The following CDCA7L variants were observed in gnomAD, a reference collection of about 807,000 sequenced individuals.
CDCA7L encodes cell division cycle associated 7 like.
Under a neutral mutation model 57.4 loss-of-function variants are expected in CDCA7L, and 44 were observed. The ratio of observed to expected loss-of-function variants is 0.77; its 90% CI spans 0.60 to 0.98. The LOEUF (loss-of-function observed/expected upper bound fraction) is 0.98, where lower values mean the gene tolerates loss of function less well. Ranked by LOEUF, CDCA7L falls within the 50% of genes least tolerant of loss-of-function variation. CDCA7L has a pLI of 0.00. For missense variants in CDCA7L, 644 were observed against 580.6 expected, an observed-to-expected ratio of 1.11 and a Z score of -1.12; for synonymous variants, 236 against 202.8, an observed-to-expected ratio of 1.16 and a Z score of -1.39.
Position 21,904,345 on chromosome 7 carries a change from A to G in CDCA7L, c.1048-86T>C, listed in dbSNP as rs554437345. 15 of 1,262,844 alleles carry G rather than the reference A, an allele frequency of 1.2e-5. No homozygotes were observed. The South Asian group carries it at 2.1e-4, about 18-fold the overall frequency. 78.2% of individuals were successfully genotyped at this position (1,262,844 alleles called of 1,614,324 possible). On this transcript the variant is annotated intron_variant, in intron 7 of 9. Coordinates refer to ENST00000406877, the MANE Select transcript of CDCA7L (RefSeq NM_018719.5). ...GATGCCACCATGTGCATTTCCAAGT[A>G]TATGAAGAAATACCCCCGTCTCCTC...
rs372144107 is a variant in CDCA7L, at chr7:21,937,663, A to C, written c.24+8118T>G. ...TTAAAAAAGAAAAAAAAAAAAAAGA[A>C]CAGTGTTAGAGGACTCACATTTCCT... On this transcript the variant is annotated intron_variant, in intron 1 of 9. Coordinates refer to ENST00000406877, the MANE Select transcript of CDCA7L (RefSeq NM_018719.5). Among the ~76,000 whole-genome samples the C allele has an allele frequency of 7.2e-5, 11 of 152,136 alleles. No homozygotes were observed. The East Asian group carries it at 9.7e-4, about 13-fold the overall frequency.
At chr7:21,918,747 CT>C (rs1562628623) in intron 1 of CDCA7L, among the ~76,000 whole-genome samples, 2 of 152,182 alleles carry the variant, frequency 1.3e-5, no homozygotes, top group Admixed American at 6.5e-5. Flanking sequence ...CACATAAGGT[CT>C]GGCTGTCTCT....
At position 21,905,573 on chromosome 7, in the gene CDCA7L, T is replaced by A. The variant is rs1785112982; in HGVS notation, c.980A>T (p.Asp327Val). The A allele has an allele frequency of 6.2e-7, 1 of 1,614,042 alleles. No individual in the cohort carries two copies. The highest frequency in any genetic ancestry group is 8.5e-7 in the Non-Finnish European group (1 of 1,179,948). ...ATTTTCTAAGTCCTCTTCGGTGATATCCTCCACTGGCCGAAAAGAAGATAT... is the reference window on the plus strand; with the variant it reads ...ATTTTCTAAGTCCTCTTCGGTGATAACCTCCACTGGCCGAAAAGAAGATAT... ...HRISSFRPVE[D>V]ITEEDLENVA... The change falls in exon 7 of 10, where the codon GAT becomes GTT. Residue 327 changes from aspartate (D) to valine (V), a missense_variant. Coordinates refer to ENST00000406877, the MANE Select transcript of CDCA7L (RefSeq NM_018719.5).
chr7:21,916,685 T>C, intron 2 of CDCA7L, 69 bp downstream of exon 2: 1 of 1,450,654 alleles, frequency 6.9e-7, no homozygotes, highest in Admixed American at 1.8e-5. Context: ...CATGTTCAAA[T>C]AAAAGAACAT....
chr7:21,906,679 G>A (rs377564041), intron 4 of CDCA7L, 40 bp from the exon 5 acceptor site: 4 of 1,602,808 alleles, frequency 2.5e-6, no homozygotes, highest in Non-Finnish European at 3.4e-6. Context: ...ACAAAAATAG[G>A]GCTCCAGGTT....
At chr7:21,915,585 G>T (rs1407740465) in intron 2 of CDCA7L, among the ~76,000 whole-genome samples, 1 of 150,006 alleles carries the variant, frequency 6.7e-6, no homozygotes, top group African/African-American at 2.5e-5. Context: ...ATCACCTGAG[G>T]TCGGGAGTTT....
At chr7:21,906,232 C>G (rs536974510) in intron 6 of CDCA7L, 57 bp downstream of exon 6, 5 of 1,518,398 alleles carry the variant, frequency 3.3e-6, no homozygotes, top group Admixed American at 3.8e-5. Context: ...CGTGCGTTCA[C>G]GTTTGGAGGG....
intron 1 of CDCA7L, among the ~76,000 whole-genome samples, chr7:21,936,693 G>A (rs1328665942): frequency 7.3e-5 from 11 of 151,492 alleles, no homozygotes; most frequent in Admixed American, 2.0e-4. Flanking sequence ...CGAAAAACCC[G>A]CAACTAACAA....
At chr7:21,912,279 G>C (rs1314501807) in intron 2 of CDCA7L, among the ~76,000 whole-genome samples, 3 of 152,126 alleles carry the variant, frequency 2.0e-5, no homozygotes, top group Admixed American at 6.5e-5. Context: ...GGGTGACAGA[G>C]TGAGACCCTC....
chr7:21,907,160 T>C (rs899846679), intron 4 of CDCA7L, among the ~76,000 whole-genome samples: 109 of 152,338 alleles, frequency 7.2e-4, no homozygotes, highest in African/African-American at 2.6e-3. Flanking sequence ...ATAATAGGCA[T>C]TAATATGCCA....
chr7:21,905,459 C>T (rs750361377), intron 7 of CDCA7L, 47 bp downstream of exon 7: 1 of 1,592,782 alleles, frequency 6.3e-7, no homozygotes, highest in East Asian at 2.2e-5. Context: ...ATTTCAATAC[C>T]AATGCCTTCG....
intron 1 of CDCA7L, among the ~76,000 whole-genome samples, chr7:21,927,835 AC>A (rs1162939901): frequency 6.6e-6 from 1 of 152,190 alleles, no homozygotes; most frequent in Admixed American, 6.5e-5. Flanking sequence ...TACAGATAAA[AC>A]CCCCATCTCC....
intron 1 of CDCA7L, among the ~76,000 whole-genome samples, chr7:21,939,212 A>G (rs1261131033): frequency 6.6e-6 from 1 of 152,156 alleles, no homozygotes; most frequent in Non-Finnish European, 1.5e-5. Context: ...TCATAGGGGT[A>G]ATTGTTTAGT....
Position 21,903,119 on chromosome 7 carries a change from CAG to C in CDCA7L, c.1198-7_1198-6del, listed in dbSNP as rs762183818. The C allele has an allele frequency of 5.0e-6, 8 of 1,612,618 alleles. No individual in the cohort carries two copies. The highest frequency in any genetic ancestry group is 2.7e-5 in the African/African-American group (2 of 75,000). On this transcript the variant is annotated splice_polypyrimidine_tract_variant and splice_region_variant and intron_variant, in intron 8 of 9. Transcript: ENST00000406877. ...ACAGGGGGGACACACCCAATCCTAA[CAG>C]AGAGATGACAGCAGACACTTCGCTC...
Position 21,945,888 on chromosome 7 carries a change from C to T in CDCA7L, c.-84G>A. 1.4e-6 allele frequency: 2 copies of T among 1,457,062 alleles called. No individual in the cohort carries two copies. Among genetic ancestry groups the T allele is most frequent in the Non-Finnish European group, 9.2e-7 (1 of 1,086,286 alleles). The allele number at this position is 1,457,062 out of a possible 1,614,324, so 90.3% of individuals were successfully genotyped here. ...CACGGCCCGGCGCACCAAGAACGCC[C>T]CGCGCCCGAGCAGCTAGCGCGCTCC... On this transcript the variant is annotated 5_prime_UTR_variant, in exon 1 of 10. Transcript: ENST00000406877.
rs185359069 is a variant in CDCA7L, at chr7:21,909,467, G to A, written c.304-960C>T. Among the ~76,000 whole-genome samples, 202 of 152,094 alleles carry A rather than the reference G, an allele frequency of 1.3e-3. 2 individuals carry two copies. Among genetic ancestry groups the A allele is most frequent in the African/African-American group, 4.6e-3 (189 of 41,488 alleles). On this transcript the variant is annotated intron_variant, in intron 3 of 9. Transcript: ENST00000406877. ...AGTTCAGGGACTCTGCTTCCTCCCC[G>A]GTGACGACCATCAACCCCAAACTCT... is the stretch of plus-strand genomic sequence containing the variant.
Position 21,911,731 on chromosome 7 carries a change from T to C in CDCA7L, c.189A>G (p.Lys63=), listed in dbSNP as rs1234726878. 3 of 1,613,038 alleles carry C rather than the reference T, an allele frequency of 1.9e-6. No homozygotes were observed. The highest frequency in any genetic ancestry group is 2.5e-6 in the Non-Finnish European group (3 of 1,179,794). ...GKQQDVRFHS[K]YFTEELRRIF... is the part of the protein sequence containing the mutation. ...TTCTTCTTAGCTCTTCTGTGAAGTA[T>C]TTGGAATGAAAGCGCACATCCTGCT... Residue 63 remains lysine (K), a synonymous_variant, in exon 3 of 10, where the codon AAA becomes AAG. Transcript: ENST00000406877.
Position 21,930,691 on chromosome 7 carries a change from C to A in CDCA7L, c.25-13797G>T, listed in dbSNP as rs112660148. 1.5e-3 allele frequency among the ~76,000 whole-genome samples: 180 copies of A among 118,964 alleles called. 1 individual carries two copies. Among genetic ancestry groups the A allele is most frequent in the African/African-American group, 5.2e-3 (151 of 28,850 alleles). The allele number at this position is 118,964 out of a possible 152,430, so 78.0% of individuals were successfully genotyped here. The stretch of plus-strand genomic sequence containing the variant: ...CCAGCCCCGGCAACAGTGCAAGACT[C>A]CGTCTCAAAAAAAAAAAAAAAAAAA... On this transcript the variant is annotated intron_variant, in intron 1 of 9. Coordinates refer to ENST00000406877, the MANE Select transcript of CDCA7L (RefSeq NM_018719.5).
intron 2 of CDCA7L, among the ~76,000 whole-genome samples, chr7:21,915,161 A>G (rs1442625602): frequency 2.6e-5 from 4 of 152,272 alleles, no homozygotes; most frequent in Middle Eastern, 3.4e-3. Flanking sequence ...GGACACCAGG[A>G]ACACAGCAGA....
Sources: gnomAD v4.1 joint callset for allele counts (sites outside exome capture counted in the v4.1 genomes callset) on GRCh38, gnomAD v4.1.1 for gene constraint, MANE v1.5 for transcripts, NCBI Gene and HGNC (gene_info 2026-07-23, HGNC 2026-07-21) for gene names.